Variants in LRRC4C observed in about 807,000 individuals in gnomAD.
LRRC4C encodes the protein leucine rich repeat containing 4C, also known as leucine-rich repeat-containing protein 4C.
In LRRC4C, 5 loss-of-function variants were observed where a neutral mutation model predicts 33.6. The observed-to-expected ratio is 0.15, with a 90% CI of 0.08 to 0.31. The LOEUF is 0.31. LRRC4C is among the 10% of genes least tolerant of loss of function. The pLI is 1.00. For synonymous variants in LRRC4C, 329 were observed against 302.0 expected, an observed-to-expected ratio of 1.09 and a Z score of -0.93; for missense variants, 560 against 796.7, an observed-to-expected ratio of 0.70 and a Z score of 3.58.
chr11:40,953,157 C>T (rs1958792482), intron 1 of LRRC4C, among the ~76,000 whole-genome samples: 1 of 151,854 alleles, frequency 6.6e-6, no homozygotes, highest in African/African-American at 2.4e-5. Context: ...TTTCATAACA[C>T]TGTTCATGGA....
intron 1 of LRRC4C, among the ~76,000 whole-genome samples, chr11:40,947,707 A>G (rs760281485): frequency 1.3e-5 from 2 of 151,400 alleles, no homozygotes; most frequent in Non-Finnish European, 2.9e-5. Flanking sequence ...CTCTCCCTCA[A>G]TCCCCACCTC....
chr11:41,379,981 C>T (rs1320684405), intron 1 of LRRC4C, among the ~76,000 whole-genome samples: 2 of 151,992 alleles, frequency 1.3e-5, no homozygotes, highest in African/African-American at 4.8e-5. Flanking sequence ...CATGCATGCA[C>T]ACAAACACAC....
chr11:41,080,535 T>C (rs1458448732), intron 1 of LRRC4C, among the ~76,000 whole-genome samples: 1 of 151,996 alleles, frequency 6.6e-6, no homozygotes, highest in Non-Finnish European at 1.5e-5. Context: ...GTATTTTTAG[T>C]AGAGACGGAG....
At chr11:40,419,415 G>A (rs574242256) in intron 3 of LRRC4C, among the ~76,000 whole-genome samples, 1 of 152,154 alleles carries the variant, frequency 6.6e-6, no homozygotes, top group South Asian at 2.1e-4. Context: ...GAGAAAAATG[G>A]CACATCCCAG....
intron 1 of LRRC4C, among the ~76,000 whole-genome samples, chr11:41,448,122 G>GTATTTTTTTTTTTTTTTTTTTTT (rs1955887380): frequency 2.1e-5 from 1 of 46,948 alleles, no homozygotes; most frequent in Non-Finnish European, 4.4e-5. Context: ...GCACACGTCT[G>GTATTTTTTTTTTTTTTTTTTTTT]TTTTTTTTTT....
At chr11:40,809,690 G>A (rs567418328) in intron 2 of LRRC4C, among the ~76,000 whole-genome samples, 6 of 152,214 alleles carry the variant, frequency 3.9e-5, no homozygotes, top group African/African-American at 1.4e-4. Flanking sequence ...CATGTTGCAC[G>A]TGCTCACTCA....
intron 2 of LRRC4C, among the ~76,000 whole-genome samples, chr11:40,865,255 C>T (rs1010700830): frequency 2.7e-4 from 41 of 151,922 alleles, no homozygotes; most frequent in African/African-American, 1.2e-4. Context: ...TAGAGTATAA[C>T]GGTTATGATA....
At position 40,554,987 on chromosome 11, in the gene LRRC4C, C is replaced by T. The variant is rs1957279324; in HGVS notation, c.-270+93155G>A. ...CCGCCCGCCTCGGCCTCCCAAAGTG[C>T]TGGGATTACAGGCGTGAGCCACCGC... On this transcript the variant is annotated intron_variant, in intron 3 of 6. Transcript: ENST00000528697. 1.4e-5 allele frequency among the ~76,000 whole-genome samples: 2 copies of T among 143,182 alleles called. 1 individual carries two copies. Among genetic ancestry groups the T allele is most frequent in the African/African-American group, 5.9e-5 (2 of 33,976 alleles). The allele number at this position is 143,182 out of a possible 152,430, so 93.9% of individuals were successfully genotyped here. A position where few individuals can be genotyped will look rare whatever the true frequency, so the allele number is the denominator to read the frequency against.
chr11:40,682,746 C>CAATAAATAAATAAATAAATA (rs10523318), intron 2 of LRRC4C, among the ~76,000 whole-genome samples: 225 of 141,658 alleles, frequency 1.6e-3, no homozygotes, highest in East Asian at 4.7e-3. Flanking sequence ...GACTCTGTCT[C>CAATAAATAAATAAATAAATA]AATAAATAAA....
chr11:41,341,341 G>T (rs1951631233), intron 1 of LRRC4C, among the ~76,000 whole-genome samples: 1 of 152,136 alleles, frequency 6.6e-6, no homozygotes, highest in Non-Finnish European at 1.5e-5. Flanking sequence ...AGAATAAAAT[G>T]ACTTCTTTCC....
intron 3 of LRRC4C, among the ~76,000 whole-genome samples, chr11:40,563,871 A>G (rs1156313289): frequency 6.6e-6 from 1 of 152,162 alleles, no homozygotes; most frequent in Non-Finnish European, 1.5e-5. Flanking sequence ...TGCACTACAG[A>G]GCCCTCTGTC....
At chr11:40,136,512 G>A (rs1200508926) in intron 6 of LRRC4C, among the ~76,000 whole-genome samples, 4 of 149,890 alleles carry the variant, frequency 2.7e-5, no homozygotes, top group Non-Finnish European at 4.4e-5. Flanking sequence ...TCCTGACCTC[G>A]TGACCCGCCC....
At position 40,646,097 on chromosome 11, in the gene LRRC4C, A is replaced by G. The variant is rs556431301; in HGVS notation, c.-270+2045T>C. On this transcript the variant is annotated intron_variant, in intron 3 of 6. Coordinates refer to ENST00000528697, the MANE Select transcript of LRRC4C (RefSeq NM_001258419.2). ...TAACCATTCTTTGATAATTCTGCCT[A>G]TTGAAATAAATGGTGTGGTTTCTGT... Among the ~76,000 whole-genome samples, 8 of 147,098 alleles carry G rather than the reference A, an allele frequency of 5.4e-5. No homozygotes were observed. In the South Asian group the frequency reaches 1.7e-3, roughly 31 times the overall value.
At chr11:41,112,632 C>T (rs1171594004) in intron 1 of LRRC4C, among the ~76,000 whole-genome samples, 1 of 152,022 alleles carries the variant, frequency 6.6e-6, no homozygotes, top group Admixed American at 6.6e-5. Flanking sequence ...AGGTACCCCA[C>T]TGTCATTTTA....
intron 2 of LRRC4C, among the ~76,000 whole-genome samples, chr11:40,715,971 G>A (rs1046249741): frequency 6.6e-6 from 1 of 151,912 alleles, no homozygotes; most frequent in Non-Finnish European, 1.5e-5. Context: ...ATGAACAGAA[G>A]TTGCACTGAG....
intron 2 of LRRC4C, among the ~76,000 whole-genome samples, chr11:40,790,489 G>T (rs528410021): frequency 6.6e-4 from 101 of 152,252 alleles, no homozygotes; most frequent in African/African-American, 2.4e-3. Flanking sequence ...ATTTCTTCCT[G>T]CTGTGTCCGC....
intron 3 of LRRC4C, among the ~76,000 whole-genome samples, chr11:40,325,644 AG>A (rs1305457045): frequency 6.6e-6 from 1 of 152,048 alleles, no homozygotes; most frequent in Non-Finnish European, 1.5e-5. Flanking sequence ...AAAAAAAAAA[AG>A]AAACCATATT....
chr11:41,078,784 T>C (rs1939346417), intron 1 of LRRC4C, among the ~76,000 whole-genome samples: 1 of 152,166 alleles, frequency 6.6e-6, no homozygotes, highest in Admixed American at 6.6e-5. Flanking sequence ...GAAAAGGCTT[T>C]TTTTCCCCTT....
intron 1 of LRRC4C, among the ~76,000 whole-genome samples, chr11:41,139,986 C>A (rs1166079252): frequency 6.6e-6 from 1 of 152,146 alleles, no homozygotes. Flanking sequence ...GGCCATATTT[C>A]TGATCTCATG....
Sources: gnomAD v4.1 joint callset for allele counts (sites outside exome capture counted in the v4.1 genomes callset) on GRCh38, gnomAD v4.1.1 for gene constraint, MANE v1.5 for transcripts, NCBI Gene and HGNC (gene_info 2026-07-23, HGNC 2026-07-21) for gene names.